The following EYS variants were observed in gnomAD, a reference collection of about 807,000 sequenced individuals.
EYS encodes the protein protein eyes shut homolog.
In EYS, 250 loss-of-function variants were observed where a neutral mutation model predicts 282.1. That is an observed-to-expected ratio of 0.89 (90% CI 0.80 to 0.98). The LOEUF (loss-of-function observed/expected upper bound fraction) is 0.98, where lower values mean the gene tolerates loss of function less well. Among genes scored for constraint, EYS ranks in the 50% least tolerant of loss-of-function variants. The pLI is 0.00. For synonymous variants in EYS, 1,355 were observed against 1,282.9 expected (o/e 1.06, Z -1.20); for missense variants, 4,016 against 3,709.0 (o/e 1.08, Z -2.15).
intron 31 of EYS, among the ~76,000 whole-genome samples, chr6:64,131,560 A>ATG (rs968602673): frequency 3.9e-5 from 6 of 152,012 alleles, no homozygotes; most frequent in African/African-American, 7.2e-5. Flanking sequence ...GGAGTACAGT[A>ATG]TGTGTGTGTG....
intron 13 of EYS, among the ~76,000 whole-genome samples, chr6:65,006,754 AT>A (rs1481831944): frequency 6.6e-6 from 1 of 152,210 alleles, no homozygotes; most frequent in Non-Finnish European, 1.5e-5. Context: ...CACAATGGGT[AT>A]TCAGTAATTG....
chr6:63,940,413 A>G (rs182051902), intron 35 of EYS, among the ~76,000 whole-genome samples: 3 of 152,306 alleles, frequency 2.0e-5, no homozygotes, highest in Non-Finnish European at 1.5e-5. Context: ...TTTTAATCTT[A>G]TATTGAAAAT....
At chr6:64,614,642 T>C (rs6926359) in intron 24 of EYS, among the ~76,000 whole-genome samples, 97,405 of 151,940 alleles carry the variant, frequency 0.64, 31,423 homozygotes, top group South Asian at 0.7. Context: ...ATGCATTTAA[T>C]ACACCTAATC....
intron 22 of EYS, chr6:64,733,302 C>A: frequency 6.1e-6 from 1 of 164,112 alleles, no homozygotes; most frequent in Non-Finnish European, 1.3e-5. Flanking sequence ...CTTTGGGGCC[C>A]CTGTTCAGAT....
intron 12 of EYS, among the ~76,000 whole-genome samples, chr6:65,127,991 C>G (rs1775768173): frequency 6.6e-6 from 1 of 151,910 alleles, no homozygotes; most frequent in South Asian, 2.1e-4. Flanking sequence ...TAATAACTTA[C>G]ATGATGAAAG....
intron 2 of EYS, among the ~76,000 whole-genome samples, chr6:65,528,816 T>C (rs1035957557): frequency 6.6e-6 from 1 of 152,240 alleles, no homozygotes; most frequent in Admixed American, 6.5e-5. Context: ...TGAAAATTCT[T>C]TATGGAAATT....
chr6:64,240,940 T>C (rs1188510045), intron 30 of EYS, among the ~76,000 whole-genome samples: 1 of 152,196 alleles, frequency 6.6e-6, no homozygotes, highest in Non-Finnish European at 1.5e-5. Context: ...CTGCCTAGTT[T>C]ATTGAGAGTT....
At chr6:64,290,859 T>A (rs2150365529) in intron 30 of EYS, among the ~76,000 whole-genome samples, 1 of 92,754 alleles carries the variant, frequency 1.1e-5, no homozygotes, top group Admixed American at 1.1e-4. Flanking sequence ...ATGGTAAATA[T>A]TTTAGGCTTT....
chr6:64,474,617 A>G (rs1457278682), intron 26 of EYS, among the ~76,000 whole-genome samples: 1 of 152,202 alleles, frequency 6.6e-6, no homozygotes, highest in Non-Finnish European at 1.5e-5. Context: ...GTGAATTACT[A>G]GTTCATCAGA....
At chr6:65,243,683 T>C (rs1767109646) in intron 12 of EYS, among the ~76,000 whole-genome samples, 1 of 152,098 alleles carries the variant, frequency 6.6e-6, no homozygotes, top group African/African-American at 2.4e-5. Context: ...GAGCAACTCT[T>C]ACCACCATTT....
chr6:65,494,997 A>G lies in EYS; in HGVS notation c.414T>C (p.Ser138=), dbSNP rs1766194192. 2 of 1,614,052 alleles carry G rather than the reference A, an allele frequency of 1.2e-6. No homozygotes were observed. The highest frequency in any genetic ancestry group is 2.2e-5 in the East Asian group (1 of 44,894). ...AATGTGTCCCAACACTCAGCCACTT[A>G]GAATTAACAGTGTGCATTCCTTTTA... is the stretch of plus-strand genomic sequence containing the variant. ...CRLKGMHTVN[S]KWLSVGTHYF... is the part of the protein sequence containing the mutation. Residue 138 remains serine (S), a synonymous_variant, in exon 4 of 43, where the codon TCT becomes TCC. Transcript: ENST00000503581.
intron 31 of EYS, among the ~76,000 whole-genome samples, chr6:64,198,086 G>C (rs925105238): frequency 6.6e-6 from 1 of 151,780 alleles, no homozygotes; most frequent in East Asian, 1.9e-4. Context: ...TCCGCTTCCC[G>C]GGTTCACGCC....
intron 35 of EYS, among the ~76,000 whole-genome samples, chr6:63,871,029 T>C (rs879502694): frequency 7.2e-5 from 11 of 152,216 alleles, no homozygotes; most frequent in Non-Finnish European, 8.8e-5. Flanking sequence ...AATTTTAGCC[T>C]TCAGCACCTC....
chr6:64,406,291 C>T (rs1272767107), intron 28 of EYS, among the ~76,000 whole-genome samples: 1 of 152,146 alleles, frequency 6.6e-6, no homozygotes, highest in Non-Finnish European at 1.5e-5. Flanking sequence ...CCCTTCCTTA[C>T]ATCTTATACA....
At chr6:65,330,697 A>C (rs1183044145) in intron 11 of EYS, 1 of 944,664 alleles carries the variant, frequency 1.1e-6, no homozygotes, top group Non-Finnish European at 1.3e-6. Context: ...CTATCATTAT[A>C]ATACTATCAT....
chr6:63,805,416 G>A (rs1158854670), intron 37 of EYS, among the ~76,000 whole-genome samples: 3 of 152,034 alleles, frequency 2.0e-5, no homozygotes, highest in Non-Finnish European at 2.9e-5. Flanking sequence ...TTTTCTTTGA[G>A]GGCAACAACC....
At chr6:63,770,702 G>T (rs116752900) in intron 40 of EYS, among the ~76,000 whole-genome samples, 3 of 152,138 alleles carry the variant, frequency 2.0e-5, no homozygotes, top group African/African-American at 7.2e-5. Context: ...ACAAGTTGGG[G>T]GAATAAGGTA....
intron 29 of EYS, among the ~76,000 whole-genome samples, chr6:64,365,066 AT>A (rs1189324940): frequency 2.0e-5 from 3 of 151,972 alleles, no homozygotes; most frequent in Non-Finnish European, 4.4e-5. Flanking sequence ...AGTAAACATG[AT>A]GGTGAAGTTA....
intron 30 of EYS, among the ~76,000 whole-genome samples, chr6:64,239,827 C>T (rs1175876106): frequency 2.0e-5 from 3 of 152,072 alleles, no homozygotes; most frequent in Admixed American, 6.5e-5. Context: ...GAAGCCTTTG[C>T]CCATGGCTAT....
Sources: allele counts gnomAD v4.1 joint callset (sites outside exome capture counted in the v4.1 genomes callset), GRCh38; gene constraint gnomAD v4.1.1; transcripts MANE v1.5; gene names NCBI Gene and HGNC (gene_info 2026-07-23, HGNC 2026-07-21).